The following GPHN variants were observed in gnomAD, a reference collection of about 807,000 sequenced individuals.
GPHN encodes gephyrin.
Under a neutral mutation model 95.5 loss-of-function variants are expected in GPHN, and 17 were observed. The ratio of observed to expected loss-of-function variants is 0.18; its 90% confidence interval spans 0.12 to 0.27. The LOEUF is 0.27. Ranked by LOEUF, GPHN falls within the 10% of genes least tolerant of loss-of-function variation. GPHN has a pLI of 1.00. For missense variants in GPHN, 660 were observed against 978.1 expected (o/e 0.67, Z 4.34); for synonymous variants, 320 against 322.5 (o/e 0.99, Z 0.08).
At chr14:66,762,683 T>A (rs2058803809) in intron 2 of GPHN, among the ~76,000 whole-genome samples, 1 of 152,148 alleles carries the variant, frequency 6.6e-6, no homozygotes, top group African/African-American at 2.4e-5. Flanking sequence ...AAACAGTATA[T>A]GTAAAAATGC....
At chr14:67,092,717 A>C (rs2153671098) in intron 12 of GPHN, among the ~76,000 whole-genome samples, 1 of 152,272 alleles carries the variant, frequency 6.6e-6, no homozygotes, top group Non-Finnish European at 1.5e-5. Flanking sequence ...GGAATAAAGT[A>C]ATGATAATAT....
intron 3 of GPHN, among the ~76,000 whole-genome samples, chr14:66,792,766 G>A (rs2060017655): frequency 6.6e-6 from 1 of 152,236 alleles, no homozygotes; most frequent in Admixed American, 6.5e-5. Context: ...ATAGAGATGT[G>A]AAGTGGGAAA....
intron 11 of GPHN, among the ~76,000 whole-genome samples, chr14:67,078,231 T>G (rs1333028736): frequency 2.6e-5 from 4 of 152,132 alleles, no homozygotes; most frequent in Non-Finnish European, 5.9e-5. Flanking sequence ...TTAGTTATAT[T>G]AATCGCCTAT....
intron 4 of GPHN, among the ~76,000 whole-genome samples, chr14:66,830,508 G>A (rs1047028645): frequency 6.6e-6 from 1 of 152,040 alleles, no homozygotes; most frequent in Non-Finnish European, 1.5e-5. Flanking sequence ...TCTTAGGAAT[G>A]CCTCATAACA....
At chr14:67,221,033 G>C in the GPHN span, among the ~76,000 whole-genome samples, 1 of 152,084 alleles carries the variant, frequency 6.6e-6, no homozygotes, top group Non-Finnish European at 1.5e-5. Context: ...ATAAGAATTT[G>C]GTGAAAATTA....
At chr14:66,560,147 G>A (rs1178779790) in intron 1 of GPHN, among the ~76,000 whole-genome samples, 3 of 152,122 alleles carry the variant, frequency 2.0e-5, no homozygotes, top group African/African-American at 7.2e-5. Context: ...CTGTAGCCTT[G>A]TAGTATAGTT....
chr14:66,737,075 A>C (rs1268740697), intron 2 of GPHN, among the ~76,000 whole-genome samples: 1 of 152,114 alleles, frequency 6.6e-6, no homozygotes, highest in Non-Finnish European at 1.5e-5. Flanking sequence ...GTTTTCTTAC[A>C]TTTTGTACTT....
chr14:66,595,132 A>G (rs2061919194), intron 1 of GPHN, among the ~76,000 whole-genome samples: 1 of 152,200 alleles, frequency 6.6e-6, no homozygotes, highest in Non-Finnish European at 1.5e-5. Context: ...GGCTACTTTA[A>G]AAAAGACCGA....
the GPHN span, among the ~76,000 whole-genome samples, chr14:67,711,216 T>A: frequency 6.6e-6 from 1 of 152,228 alleles, no homozygotes; most frequent in Admixed American, 6.5e-5. Flanking sequence ...AATATCAATG[T>A]CTTATTTATT....
the GPHN span, among the ~76,000 whole-genome samples, chr14:67,281,099 A>G: frequency 4.7e-4 from 71 of 151,904 alleles, no homozygotes; most frequent in Admixed American, 8.5e-4. Flanking sequence ...GGGTTTCACC[A>G]TGTTGGTCAG....
intron 20 of GPHN, 64 bp downstream of exon 20, chr14:67,165,290 TC>T: frequency 2.0e-6 from 2 of 995,970 alleles, no homozygotes; most frequent in Non-Finnish European, 3.2e-6. Context: ...TTTGGACTTC[TC>T]ATGTGACCAC....
chr14:66,882,429 G>A (rs10047902), intron 5 of GPHN, among the ~76,000 whole-genome samples: 47,626 of 151,510 alleles, frequency 0.31, 11,397 homozygotes, highest in African/African-American at 0.65. Context: ...AAACCATTAC[G>A]TCTGTTTGAA....
intron 2 of GPHN, among the ~76,000 whole-genome samples, chr14:66,716,607 A>G (rs117515649): frequency 0.013 from 2,011 of 152,148 alleles, 20 homozygotes; most frequent in Middle Eastern, 0.02. Context: ...TGTATTTTTT[A>G]TAGGTCATGT....
the GPHN span, among the ~76,000 whole-genome samples, chr14:67,339,406 G>A: frequency 3.9e-5 from 6 of 152,076 alleles, no homozygotes; most frequent in South Asian, 4.1e-4. Context: ...GAGTATCATG[G>A]AAGGACAGAA....
chr14:67,238,726 A>G, the GPHN span, among the ~76,000 whole-genome samples: 1 of 151,920 alleles, frequency 6.6e-6, no homozygotes, highest in Non-Finnish European at 1.5e-5. Flanking sequence ...TTACTGCAGC[A>G]TCGACCTCCC....
chr14:67,221,693 A>G, the GPHN span: 3 of 1,560,010 alleles, frequency 1.9e-6, no homozygotes, highest in East Asian at 7.0e-5. Flanking sequence ...TTAAAGAATG[A>G]CCGGTTATTT....
chr14:67,174,641 T>C (rs2082815955), intron 21 of GPHN, among the ~76,000 whole-genome samples: 1 of 152,348 alleles, frequency 6.6e-6, no homozygotes, highest in Non-Finnish European at 1.5e-5. Context: ...TTCTAGATCC[T>C]TGAGGAATCT....
At chr14:67,097,731 A>G (rs2077471892) in intron 12 of GPHN, among the ~76,000 whole-genome samples, 1 of 152,126 alleles carries the variant, frequency 6.6e-6, no homozygotes, top group African/African-American at 2.4e-5. Context: ...ATTTGTATTT[A>G]TATATTCATT....
chr14:67,563,048 C>T, the GPHN span, among the ~76,000 whole-genome samples: 5 of 152,252 alleles, frequency 3.3e-5, no homozygotes, highest in African/African-American at 1.2e-4. Context: ...GCAGACCACA[C>T]AACCAGTGAG....
Sources: allele counts gnomAD v4.1 joint callset (sites outside exome capture counted in the v4.1 genomes callset), GRCh38; gene constraint gnomAD v4.1.1; transcripts MANE v1.5; gene names NCBI Gene and HGNC (gene_info 2026-07-23, HGNC 2026-07-21).